USP29: variants seen among roughly 807,000 people sequenced by gnomAD.
USP29 encodes the protein ubiquitin specific peptidase 29, also known as ubiquitin carboxyl-terminal hydrolase 29.
For missense variants in USP29, 1,102 were observed against 1,069.0 expected, an observed-to-expected ratio of 1.03 and a Z score of -0.43; for synonymous variants, 386 against 387.4, an observed-to-expected ratio of 1.00 and a Z score of 0.04.
In USP29 at chr19:57,122,454, C is replaced by G. The variant is rs2086802560; in HGVS notation, c.-138C>G. 6.6e-6 allele frequency: 1 copy of G among 152,064 alleles called. No individual in the cohort carries two copies. The highest frequency in any genetic ancestry group is 2.4e-5 in the African/African-American group (1 of 41,348). The allele number at this position is 152,064 out of a possible 1,614,324, so 9.4% of individuals were successfully genotyped here. On this transcript the variant is annotated 5_prime_UTR_variant, in exon 2 of 4. Transcript: ENST00000254181. ...TGAAAAAAGAATTATCATCCACTCA[C>G]CCAGAACAGCTCTCCAAACTGTAAG...
chr19:57,131,568 A>C lies in USP29; in HGVS notation c.*124A>C. ...TCTCAGGATGAAATCTCAATGAAAA[A>C]CACTTATTTTGGGGGAATATCTATT... On this transcript the variant is annotated 3_prime_UTR_variant, in exon 4 of 4. Coordinates refer to ENST00000254181, the MANE Select transcript of USP29 (RefSeq NM_020903.3). The C allele has an allele frequency of 7.0e-7, 1 of 1,436,286 alleles. No individual in the cohort carries two copies. The highest frequency in any genetic ancestry group is 9.3e-7 in the Non-Finnish European group (1 of 1,077,538). The allele number at this position is 1,436,286 out of a possible 1,614,324, so 89.0% of individuals were successfully genotyped here. A position where few individuals can be genotyped will look rare whatever the true frequency, so the allele number is the denominator to read the frequency against.
At chr19:57,126,471 T>C (rs1217775404) in intron 3 of USP29, among the ~76,000 whole-genome samples, 3 of 152,084 alleles carry the variant, frequency 2.0e-5, no homozygotes, top group African/African-American at 7.2e-5. Context: ...CATTCTTTTT[T>C]CTCTAATCTT....
In USP29 at chr19:57,130,139, G is replaced by T; in HGVS notation, c.1464G>T (p.Met488Ile). Reference sequence around the variant, plus strand: ...AAGAGCTTGAATATAACTGTCAGATGTGTAAGCAGAAGAGTTGTGTTGCAA... The same window carrying T: ...AAGAGCTTGAATATAACTGTCAGATTTGTAAGCAGAAGAGTTGTGTTGCAA... ...KEEELEYNCQMCKQKSCVARH... is the reference protein window; with the variant it reads ...KEEELEYNCQICKQKSCVARH... Residue 488 changes from methionine (M) to isoleucine (I), a missense_variant, in exon 4 of 4, where the codon ATG becomes ATT. By Grantham distance (10) the Met-to-Ile change is conservative (BLOSUM62 1). Coordinates refer to ENST00000254181, the MANE Select transcript of USP29 (RefSeq NM_020903.3). 6.2e-7 allele frequency: 1 copy of T among 1,613,996 alleles called. No homozygotes were observed. The highest frequency in any genetic ancestry group is 8.5e-7 in the Non-Finnish European group (1 of 1,180,012).
chr19:57,131,308 A>G lies in USP29; in HGVS notation c.2633A>G (p.Tyr878Cys), dbSNP rs1242652135. Residue 878 changes from tyrosine (Y) to cysteine (C), a missense_variant, in exon 4 of 4, where the codon TAT becomes TGT. By Grantham distance (194) the Tyr-to-Cys change is radical. Coordinates refer to ENST00000254181, the MANE Select transcript of USP29 (RefSeq NM_020903.3). ...CAGGAGGCGAGGCTTCACTCTGGGT[A>G]TATCTTCTTTTACATGCACAATGGG... ...KMQEARLHSG[Y>C]IFFYMHNGIF... 1.9e-6 allele frequency: 3 copies of G among 1,614,088 alleles called. No homozygotes were observed. Among genetic ancestry groups the G allele is most frequent in the Non-Finnish European group, 2.5e-6 (3 of 1,180,048 alleles).
rs777050782 is a variant in USP29, at chr19:57,129,142, A to T, written c.467A>T (p.His156Leu). ...TTGTTTATGTCAAAATCACCAACACATGTGAAAAAGGGGATATTAGAAAAT... is the reference window on the plus strand; with the variant it reads ...TTGTTTATGTCAAAATCACCAACACTTGTGAAAAAGGGGATATTAGAAAAT... ...MPLFMSKSPTHVKKGILENQG... is the reference protein window; with the variant it reads ...MPLFMSKSPTLVKKGILENQG... Residue 156 changes from histidine (H) to leucine (L), a missense_variant, in exon 4 of 4, where the codon CAT (histidine) becomes CTT (leucine). By Grantham distance (99) the His-to-Leu change is moderately conservative. Transcript: ENST00000254181. The T allele has an allele frequency of 1.2e-6, 2 of 1,613,730 alleles. No homozygotes were observed. The highest frequency in any genetic ancestry group is 2.2e-5 in the South Asian group (2 of 90,986).
At chr19:57,124,846 C>G (rs1339071725) in intron 3 of USP29, among the ~76,000 whole-genome samples, 1 of 152,044 alleles carries the variant, frequency 6.6e-6, no homozygotes. Flanking sequence ...TGTTATTTAA[C>G]CAGTAGTCAT....
intron 1 of USP29, among the ~76,000 whole-genome samples, chr19:57,121,155 A>C (rs2086793519): frequency 6.6e-6 from 1 of 151,550 alleles, no homozygotes; most frequent in Admixed American, 6.6e-5. Context: ...ATAGAAAAAT[A>C]AAAGTACTAC....
Position 57,129,258 on chromosome 19 carries a change from T to G in USP29, c.583T>G (p.Tyr195Asp), listed in dbSNP as rs1322794096. ...AGATAACCCTGTACCAAACAAGAAA[T>G]ATAAGACAGATTCCTTGAAATATAT... Reference protein sequence around the residue: ...KEDNPVPNKKYKTDSLKYIQS... With the variant: ...KEDNPVPNKKDKTDSLKYIQS... Residue 195 changes from tyrosine to aspartate, a missense_variant, in exon 4 of 4, where the codon TAT becomes GAT. Coordinates refer to ENST00000254181, the MANE Select transcript of USP29 (RefSeq NM_020903.3). 1 of 1,613,096 alleles carries G rather than the reference T, an allele frequency of 6.2e-7. No individual in the cohort carries two copies. The highest frequency in any genetic ancestry group is 1.1e-5 in the South Asian group (1 of 90,836).
chr19:57,127,184 C>A (rs1484811620), intron 3 of USP29, among the ~76,000 whole-genome samples: 1 of 152,190 alleles, frequency 6.6e-6, no homozygotes, highest in Non-Finnish European at 1.5e-5. Context: ...AGCTCTCCTG[C>A]ATGAGGTGTC....
chr19:57,131,433 A>G lies in USP29; in HGVS notation c.2758A>G (p.Arg920Gly). 6.2e-7 allele frequency: 1 copy of G among 1,607,826 alleles called. No homozygotes were observed. The highest frequency in any genetic ancestry group is 2.2e-5 in the East Asian group (1 of 44,850). Residue 920 changes from arginine (R) to glycine (G), a missense_variant, in exon 4 of 4, where the codon AGA becomes GGA. Transcript: ENST00000254181. ...GGAATACGAAGGTGACTCTTTGTAC[A>G]GACCTGCTTGACAGACTCACTCGGC... ...QGEYEGDSLYRPA is the reference protein window; with the variant it reads ...QGEYEGDSLYGPA
Position 57,128,836 on chromosome 19 carries a change from GCAA to G in USP29, c.167_169del (p.Asn56del). 6.2e-7 allele frequency: 1 copy of G among 1,613,962 alleles called. No individual in the cohort carries two copies. The highest frequency in any genetic ancestry group is 1.1e-5 in the South Asian group (1 of 91,034). On this transcript the variant is annotated inframe_deletion, in exon 4 of 4. Transcript: ENST00000254181. ...AAATTTATAAGAATTTTTCAGCTGA[GCAA>G]CAACATTAGAAGTGTGGTCCTTAGA...
chr19:57,130,639 G>A lies in USP29; in HGVS notation c.1964G>A (p.Gly655Glu). The A allele has an allele frequency of 6.2e-7, 1 of 1,614,170 alleles. No homozygotes were observed. Among genetic ancestry groups the A allele is most frequent in the Admixed American group, 1.7e-5 (1 of 60,018 alleles). Residue 655 changes from glycine (G) to glutamate (E), a missense_variant, in exon 4 of 4, where the codon GGA (glycine) becomes GAA (glutamate). By Grantham distance (98) the Gly-to-Glu change is moderately conservative. Transcript: ENST00000254181. ...LPVADSLMDQ[G>E]DISLPVMYED... ...GTGGCTGACTCACTGATGGACCAGG[G>A]AGACATTTCTCTTCCTGTGATGTAT...
In USP29 at chr19:57,129,315, G is replaced by A; in HGVS notation, c.640G>A (p.Glu214Lys). 1.2e-6 allele frequency: 2 copies of A among 1,614,150 alleles called. No individual in the cohort carries two copies. Among genetic ancestry groups the A allele is most frequent in the African/African-American group, 2.7e-5 (2 of 75,048 alleles). ...QSNRKNPSSL[E>K]DLEKDRDLKL... ...CAATAGGAAGAACCCATCAAGTTTA[G>A]AGGATTTAGAAAAAGATAGAGATTT... Residue 214 changes from glutamate (E) to lysine (K), a missense_variant, in exon 4 of 4, where the codon GAG becomes AAG. Coordinates refer to ENST00000254181, the MANE Select transcript of USP29 (RefSeq NM_020903.3).
At chr19:57,127,656 T>A (rs951575537) in intron 3 of USP29, among the ~76,000 whole-genome samples, 4 of 152,188 alleles carry the variant, frequency 2.6e-5, no homozygotes, top group Non-Finnish European at 5.9e-5. Context: ...CCAGGTCAAC[T>A]TCAGACTGCT....
intron 3 of USP29, among the ~76,000 whole-genome samples, chr19:57,128,326 C>A (rs1370446156): frequency 6.6e-6 from 1 of 152,144 alleles, no homozygotes. Flanking sequence ...TTCCACTTGG[C>A]CTCCCAGAGT....
chr19:57,130,048 T>C lies in USP29; in HGVS notation c.1373T>C (p.Leu458Pro). The change falls in exon 4 of 4, where the codon CTG becomes CCG. Residue 458 changes from leucine (L) to proline (P), a missense_variant. Coordinates refer to ENST00000254181, the MANE Select transcript of USP29 (RefSeq NM_020903.3). ...VEPNNYLSINLHQETKPLPLS... is the reference protein window; with the variant it reads ...VEPNNYLSINPHQETKPLPLS... ...CCTAATAATTATCTCTCCATCAACC[T>C]GCACCAAGAAACAAAACCACTTCCT... 1 of 1,613,714 alleles carries C rather than the reference T, an allele frequency of 6.2e-7. No individual in the cohort carries two copies. Among genetic ancestry groups the C allele is most frequent in the Non-Finnish European group, 8.5e-7 (1 of 1,179,872 alleles).
chr19:57,131,122 T>G lies in USP29; in HGVS notation c.2447T>G (p.Met816Arg). ...EAKELTRNVK[M>R]GDPLQAYRLI... ...AAGGAACTAACAAGAAACGTGAAGA[T>G]GGGGGATCCTCTCCAGGCCTACAGA... Residue 816 changes from methionine (M) to arginine (R), a missense_variant, in exon 4 of 4, where the codon ATG becomes AGG. Met to Arg is a moderately conservative substitution (Grantham distance 91, BLOSUM62 -1). Transcript: ENST00000254181. 6.2e-7 allele frequency: 1 copy of G among 1,614,166 alleles called. No individual in the cohort carries two copies. Among genetic ancestry groups the G allele is most frequent in the Non-Finnish European group, 8.5e-7 (1 of 1,180,026 alleles).
intron 3 of USP29, among the ~76,000 whole-genome samples, chr19:57,127,620 G>T (rs763644459): frequency 1.3e-5 from 2 of 152,184 alleles, no homozygotes; most frequent in Non-Finnish European, 2.9e-5. Context: ...TCACGGATGC[G>T]CCTCCCCCAA....
upstream of USP29, chr19:57,119,257 A>G (rs1242498938): frequency 6.6e-6 from 1 of 152,174 alleles, no homozygotes; most frequent in Non-Finnish European, 1.5e-5. Context: ...TCGGCTGGGA[A>G]ACCGTCCGCT....
Sources: gnomAD v4.1 joint callset for allele counts (sites outside exome capture counted in the v4.1 genomes callset) on GRCh38, gnomAD v4.1.1 for gene constraint, MANE v1.5 for transcripts, NCBI Gene and HGNC (gene_info 2026-07-23, HGNC 2026-07-21) for gene names.